Variants in SCML2 observed in about 807,000 individuals in gnomAD.
SCML2 encodes Scm polycomb group protein like 2.
In SCML2, 6 loss-of-function variants were observed where a neutral mutation model predicts 48.4. The observed-to-expected ratio is 0.12, with a 90% CI of 0.07 to 0.24. SCML2 has a LOEUF of 0.24. SCML2 is among the 10% of genes least tolerant of loss of function. SCML2 has a pLI of 1.00. For missense variants in SCML2, 377 were observed against 528.2 expected (o/e 0.71, Z 2.81); for synonymous variants, 181 against 189.5 (o/e 0.95, Z 0.37).
chrX:18,343,104 A>AGAGT (rs1022755275), intron 1 of SCML2, among the ~76,000 whole-genome samples: 3 of 109,575 alleles, frequency 2.7e-5, no homozygotes, highest in African/African-American at 9.9e-5. Flanking sequence ...TTTTGTTTGG[A>AGAGT]GAGTTTTTTT....
At chrX:18,325,440 T>C (rs774954088) in intron 3 of SCML2, among the ~76,000 whole-genome samples, 4 of 111,858 alleles carry the variant, frequency 3.6e-5, no homozygotes, top group Non-Finnish European at 7.5e-5. Context: ...ATTTTACCCT[T>C]GCAATGCTTT....
At position 18,343,760 on chromosome X, in the gene SCML2, CAAAAAAAA is replaced by C. The variant is rs1196514399; in HGVS notation, c.-24-9673_-24-9666del. 1.4e-3 allele frequency among the ~76,000 whole-genome samples: 52 copies of C among 38,479 alleles called. No individual in the cohort carries two copies. The Middle Eastern group carries it at 0.082, about 61-fold the overall frequency. The allele number at this position is 38,479 out of a possible 115,157, so 33.4% of individuals were successfully genotyped here. On this transcript the variant is annotated intron_variant, in intron 1 of 14. Transcript: ENST00000251900. The stretch of plus-strand genomic sequence containing the variant: ...TGGGCGACAGAGCGAGACTCTGTCT[CAAAAAAAA>C]AAAAAAAAAAAGAAAAAGAAAAGGA...
At chrX:18,305,781 G>C (rs1280686277) in intron 6 of SCML2, among the ~76,000 whole-genome samples, 1 of 109,415 alleles carries the variant, frequency 9.1e-6, no homozygotes, top group African/African-American at 3.3e-5. Flanking sequence ...AAAAGAAACT[G>C]TAAGTATAAA....
intron 7 of SCML2, 100 bp from the exon 8 acceptor site, chrX:18,265,902 TCC>T: frequency 1.8e-6 from 1 of 563,889 alleles, no homozygotes; most frequent in Non-Finnish European, 2.7e-6. Context: ...TAAAACCATT[TCC>T]AAAGGTTATT....
At chrX:18,318,913 T>C (rs1306559135) in intron 6 of SCML2, among the ~76,000 whole-genome samples, 1 of 111,919 alleles carries the variant, frequency 8.9e-6, no homozygotes, top group Non-Finnish European at 1.9e-5. Context: ...TACCTCAGAA[T>C]GTGATGGTAT....
chrX:18,281,581 A>T (rs961789342), intron 7 of SCML2, among the ~76,000 whole-genome samples: 1 of 108,907 alleles, frequency 9.2e-6, no homozygotes, highest in Admixed American at 9.9e-5. Context: ...GCGTGCTGGC[A>T]GGCACCTGTA....
chrX:18,338,407 G>A (rs1363975478), intron 1 of SCML2, among the ~76,000 whole-genome samples: 1 of 103,042 alleles, frequency 9.7e-6, no homozygotes, highest in Non-Finnish European at 2.0e-5. Context: ...TTGCGCCAGT[G>A]CACTCCAGCC....
At chrX:18,339,775 A>C (rs1240419789) in intron 1 of SCML2, among the ~76,000 whole-genome samples, 3 of 111,471 alleles carry the variant, frequency 2.7e-5, no homozygotes, top group Non-Finnish European at 5.6e-5. Flanking sequence ...TTATGAGCCA[A>C]AACATCCTTG....
intron 12 of SCML2, 57 bp from the exon 13 acceptor site, chrX:18,246,885 C>T (rs1481553489): frequency 3.7e-6 from 4 of 1,081,073 alleles, no homozygotes; most frequent in Admixed American, 2.8e-5. Context: ...TCAAATACTA[C>T]TAAAAGGTTA....
At chrX:18,354,826 G>C (rs1930493773), upstream of SCML2, 1 of 133,179 alleles carries the variant, frequency 7.5e-6, no homozygotes, top group African/African-American at 3.2e-5. Context: ...CAAGCCGAGC[G>C]CCACCGCAGG....
intron 1 of SCML2, among the ~76,000 whole-genome samples, chrX:18,353,513 A>AC: frequency 8.9e-6 from 1 of 112,267 alleles, no homozygotes; most frequent in Non-Finnish European, 1.9e-5. Flanking sequence ...GCCTCAGTTT[A>AC]CCCCCACTAA....
chrX:18,299,334 A>T, intron 7 of SCML2, among the ~76,000 whole-genome samples: 1 of 110,489 alleles, frequency 9.1e-6, no homozygotes, highest in Non-Finnish European at 1.9e-5. Context: ...TAATACGGTG[A>T]AATCCCATCT....
upstream of SCML2, among the ~76,000 whole-genome samples, chrX:18,355,083 G>A (rs367633361): frequency 4.5e-5 from 5 of 111,270 alleles, no homozygotes; most frequent in African/African-American, 1.6e-4. Flanking sequence ...CGCTTCCCTC[G>A]GAACTCAAGC....
At chrX:18,320,707 A>G (rs1929287862) in intron 5 of SCML2, among the ~76,000 whole-genome samples, 2 of 111,092 alleles carry the variant, frequency 1.8e-5, no homozygotes, top group Non-Finnish European at 3.8e-5. Flanking sequence ...GGGGTGATCT[A>G]AGCTGGAGCC....
chrX:18,354,926 T>C (rs1324715263), upstream of SCML2, among the ~76,000 whole-genome samples: 2 of 111,905 alleles, frequency 1.8e-5, no homozygotes, highest in African/African-American at 6.5e-5. Context: ...GAAAAACCAG[T>C]CGCAGCCCAA....
chrX:18,343,760 C>CAAAAAAAAAAAA (rs1196514399), intron 1 of SCML2, among the ~76,000 whole-genome samples: 44 of 38,043 alleles, frequency 1.2e-3, no homozygotes, highest in Admixed American at 1.5e-3. Flanking sequence ...GACTCTGTCT[C>CAAAAAAAAAAAA]AAAAAAAAAA....
At chrX:18,340,827 T>A (rs996552818) in intron 1 of SCML2, among the ~76,000 whole-genome samples, 3 of 106,658 alleles carry the variant, frequency 2.8e-5, no homozygotes, top group Non-Finnish European at 5.8e-5. Flanking sequence ...AAAAAAAAAA[T>A]TAAATAAATA....
At chrX:18,252,795 A>G (rs911811810) in intron 11 of SCML2, among the ~76,000 whole-genome samples, 2 of 112,468 alleles carry the variant, frequency 1.8e-5, no homozygotes. Flanking sequence ...AAATAAATCA[A>G]AAAAGATTTA....
intron 7 of SCML2, among the ~76,000 whole-genome samples, chrX:18,284,652 CTCA>C (rs1194762355): frequency 8.9e-6 from 1 of 112,228 alleles, no homozygotes; most frequent in African/African-American, 3.2e-5. Flanking sequence ...TGAAAAAATG[CTCA>C]TCATCACTAA....
Sources: allele counts gnomAD v4.1 joint callset (sites outside exome capture counted in the v4.1 genomes callset), GRCh38; gene constraint gnomAD v4.1.1; transcripts MANE v1.5; gene names NCBI Gene and HGNC (gene_info 2026-07-23, HGNC 2026-07-21).